The following DLGAP2 variants were observed in gnomAD, a reference collection of about 807,000 sequenced individuals.
The protein encoded by DLGAP2 is DLG associated protein 2.
In DLGAP2, 26 loss-of-function variants were observed where a neutral mutation model predicts 100.3. That is an observed-to-expected ratio of 0.26 (90% CI 0.19 to 0.36). The LOEUF (loss-of-function observed/expected upper bound fraction) is 0.36, where lower values mean the gene tolerates loss of function less well. DLGAP2 is among the 10% of genes least tolerant of loss of function. The probability of loss-of-function intolerance (pLI) is 1.00; values close to 1 mark genes in which losing one functional copy is unlikely to be tolerated. For missense variants in DLGAP2, 1,858 were observed against 1,453.2 expected, an observed-to-expected ratio of 1.28 and a Z score of -4.53; for synonymous variants, 886 against 630.1, an observed-to-expected ratio of 1.41 and a Z score of -6.08.
At chr8:950,460 G>A (rs981247354) in intron 2 of DLGAP2, among the ~76,000 whole-genome samples, 2 of 152,102 alleles carry the variant, frequency 1.3e-5, no homozygotes, top group Non-Finnish European at 2.9e-5. Flanking sequence ...CACCATTTAT[G>A]AAGGAACATT....
At chr8:790,767 A>C (rs1822003248) in intron 1 of DLGAP2, among the ~76,000 whole-genome samples, 1 of 152,068 alleles carries the variant, frequency 6.6e-6, no homozygotes, top group African/African-American at 2.4e-5. Context: ...TGTTTTTGAA[A>C]CAGGGTTTCT....
At chr8:1,232,370 G>A (rs1268440730) in intron 2 of DLGAP2, among the ~76,000 whole-genome samples, 2 of 152,212 alleles carry the variant, frequency 1.3e-5, no homozygotes, top group African/African-American at 4.8e-5. Flanking sequence ...GCCAACATGA[G>A]CAGTCCTCTG....
intron 2 of DLGAP2, among the ~76,000 whole-genome samples, chr8:1,096,956 C>T (rs543208781): frequency 2.1e-5 from 3 of 144,640 alleles, no homozygotes; most frequent in East Asian, 2.1e-4. Flanking sequence ...CCTTCACCCT[C>T]TGTGGCATAG....
rs1797738034 is a variant in DLGAP2 at position 1,195,810 on chromosome 8, A to T, written c.74-63041A>T. ...TGTGGCGCGTTCCCCGGAGTGCGTG[A>T]CCTGCTCCGAGGCCTTGCAGCGGTA... On this transcript the variant is annotated intron_variant, in intron 2 of 14. Coordinates refer to ENST00000637795, the MANE Select transcript of DLGAP2 (RefSeq NM_001346810.2). 2.6e-5 allele frequency among the ~76,000 whole-genome samples: 4 copies of T among 152,198 alleles called. No homozygotes were observed. In the South Asian group the frequency reaches 8.3e-4, roughly 32 times the overall value.
chr8:1,267,140 G>C (rs1186991626), intron 3 of DLGAP2, among the ~76,000 whole-genome samples: 1 of 151,964 alleles, frequency 6.6e-6, no homozygotes. Flanking sequence ...ACTGAGGCAG[G>C]AGAATGGCGT....
At chr8:1,591,838 C>T (rs1363355414) in intron 6 of DLGAP2, among the ~76,000 whole-genome samples, 2 of 152,170 alleles carry the variant, frequency 1.3e-5, no homozygotes, top group African/African-American at 2.4e-5. Context: ...TTCTGAAGCC[C>T]TCGCTTGGCC....
intron 6 of DLGAP2, among the ~76,000 whole-genome samples, chr8:1,573,806 C>T (rs187589894): frequency 6.6e-6 from 1 of 152,266 alleles, no homozygotes; most frequent in Non-Finnish European, 1.5e-5. Context: ...CAGGGCTGAG[C>T]AGGTGTGAGG....
At chr8:1,630,244 C>T (rs772609093) in intron 7 of DLGAP2, among the ~76,000 whole-genome samples, 1 of 152,166 alleles carries the variant, frequency 6.6e-6, no homozygotes, top group African/African-American at 2.4e-5. Flanking sequence ...GTGTCACACC[C>T]AGAAACAAAC....
At chr8:1,236,924 C>T (rs1386538518) in intron 2 of DLGAP2, among the ~76,000 whole-genome samples, 10 of 138,212 alleles carry the variant, frequency 7.2e-5, no homozygotes, top group African/African-American at 1.7e-4. Context: ...CACATGGTGC[C>T]GTGTCTAGTT....
intron 2 of DLGAP2, chr8:1,246,690 C>T (rs1798908203): frequency 6.6e-6 from 1 of 152,310 alleles, no homozygotes; most frequent in Non-Finnish European, 1.5e-5. Context: ...TTGAAGGACT[C>T]CTGGAGGTTG....
At chr8:1,040,626 C>T (rs1455284436) in intron 2 of DLGAP2, among the ~76,000 whole-genome samples, 13 of 147,584 alleles carry the variant, frequency 8.8e-5, no homozygotes, top group South Asian at 2.2e-4. Context: ...GTGGTCGGCT[C>T]GATTTCCGTG....
intron 2 of DLGAP2, among the ~76,000 whole-genome samples, chr8:926,766 C>T (rs953661102): frequency 6.6e-6 from 1 of 152,240 alleles, no homozygotes; most frequent in African/African-American, 2.4e-5. Flanking sequence ...GATGAGGGTG[C>T]TGGCACACAG....
At chr8:855,727 G>A (rs984056436) in intron 1 of DLGAP2, among the ~76,000 whole-genome samples, 2 of 152,160 alleles carry the variant, frequency 1.3e-5, no homozygotes, top group Non-Finnish European at 2.9e-5. Context: ...CTTTACCCTA[G>A]CTATGCAAGG....
At chr8:1,065,696 T>G (rs1361830162) in intron 2 of DLGAP2, among the ~76,000 whole-genome samples, 1 of 152,218 alleles carries the variant, frequency 6.6e-6, no homozygotes, top group Non-Finnish European at 1.5e-5. Context: ...CTGAGATTCA[T>G]CTGTGCTGAA....
intron 2 of DLGAP2, among the ~76,000 whole-genome samples, chr8:1,103,299 C>T (rs1341036047): frequency 6.6e-6 from 1 of 152,204 alleles, no homozygotes; most frequent in Non-Finnish European, 1.5e-5. Flanking sequence ...ACTTTCAGGG[C>T]TTCTCAGAGT....
At chr8:1,101,550 C>A (rs781694794) in intron 2 of DLGAP2, among the ~76,000 whole-genome samples, 6 of 152,010 alleles carry the variant, frequency 3.9e-5, no homozygotes, top group Non-Finnish European at 5.9e-5. Flanking sequence ...CATTTCATGG[C>A]GGCAGACGCT....
At chr8:1,594,555 A>G (rs1796390392) in intron 6 of DLGAP2, among the ~76,000 whole-genome samples, 1 of 152,118 alleles carries the variant, frequency 6.6e-6, no homozygotes, top group African/African-American at 2.4e-5. Flanking sequence ...ACAGCAAAAA[A>G]TAGCAATAAA....
At chr8:1,559,431 A>C (rs1802083279) in intron 5 of DLGAP2, among the ~76,000 whole-genome samples, 2 of 152,190 alleles carry the variant, frequency 1.3e-5, no homozygotes. Flanking sequence ...TTCTTTTGAT[A>C]GTCTCCAGAC....
chr8:1,524,880 G>A (rs1182113680), intron 4 of DLGAP2, among the ~76,000 whole-genome samples: 1 of 151,946 alleles, frequency 6.6e-6, no homozygotes, highest in Non-Finnish European at 1.5e-5. Flanking sequence ...ACCTTTTAGC[G>A]CTGTGTTCTG....
Sources: allele counts gnomAD v4.1 joint callset (sites outside exome capture counted in the v4.1 genomes callset), GRCh38; gene constraint gnomAD v4.1.1; transcripts MANE v1.5; gene names NCBI Gene and HGNC (gene_info 2026-07-23, HGNC 2026-07-21).